Variants in IL3RA observed in about 807,000 individuals in gnomAD.
IL3RA encodes interleukin 3 receptor subunit alpha.
In IL3RA, 73 loss-of-function variants were observed where a neutral mutation model predicts 52.3. That is an observed-to-expected ratio of 1.40 (90% confidence interval 1.16 to 1.70). The LOEUF (loss-of-function observed/expected upper bound fraction) is 1.70, where lower values mean the gene tolerates loss of function less well. Among genes scored for constraint, IL3RA ranks in the 40% most tolerant of loss-of-function variants. IL3RA has a pLI of 0.00. For synonymous variants in IL3RA, 260 were observed against 194.0 expected, an observed-to-expected ratio of 1.34 and a Z score of -2.83; for missense variants, 664 against 504.4, an observed-to-expected ratio of 1.32 and a Z score of -3.03.
In IL3RA at chrX:1,352,008, AC is replaced by A. The variant is rs1171499945; in HGVS notation, c.299-89del. 4 of 1,490,960 alleles carry A rather than the reference AC, an allele frequency of 2.7e-6. No homozygotes were observed. The African/African-American group carries it at 4.2e-5, about 16-fold the overall frequency. The allele number at this position is 1,490,960 out of a possible 1,614,324, so 92.4% of individuals were successfully genotyped here. On this transcript the variant is annotated intron_variant, in intron 4 of 11. Coordinates refer to ENST00000331035, the MANE Select transcript of IL3RA (RefSeq NM_002183.4). ...TCGAACTCCTGACCTCATGTGATCC[AC>A]CCGCCTCGGCCTCCCAAAATGCTGG...
chrX:1,360,665 C>G (rs1231752519), intron 8 of IL3RA, among the ~76,000 whole-genome samples: 1 of 151,656 alleles, frequency 6.6e-6, no homozygotes, highest in Non-Finnish European at 1.5e-5. Context: ...ATTACAGGCA[C>G]TCGCCACCAT....
chrX:1,344,015 T>G (rs188725539), intron 2 of IL3RA, among the ~76,000 whole-genome samples: 1 of 151,954 alleles, frequency 6.6e-6, no homozygotes, highest in African/African-American at 2.4e-5. Context: ...AGGATGGTCT[T>G]GATCACTTGA....
At chrX:1,348,036 C>CA (rs372200553) in intron 3 of IL3RA, among the ~76,000 whole-genome samples, 51,308 of 100,178 alleles carry the variant, frequency 0.51, 11,909 homozygotes, top group Middle Eastern at 0.65. Context: ...GACTCCCTCT[C>CA]AAAAAAAAAA....
chrX:1,381,111 T>G lies in IL3RA; in HGVS notation c.1062+7T>G. 1 of 1,613,696 alleles carries G rather than the reference T, an allele frequency of 6.2e-7. No homozygotes were observed. The highest frequency in any genetic ancestry group is 8.5e-7 in the Non-Finnish European group (1 of 1,179,620). Reference sequence around the variant, plus strand: ...CTTCCAAAACGACAAGCTGGTATGTTGTTTTTTCTGCCTTGGGACGGGTCT... The same window carrying G: ...CTTCCAAAACGACAAGCTGGTATGTGGTTTTTTCTGCCTTGGGACGGGTCT... On this transcript the variant is annotated splice_region_variant and intron_variant, in intron 11 of 11. Coordinates refer to ENST00000331035, the MANE Select transcript of IL3RA (RefSeq NM_002183.4).
intron 4 of IL3RA, 125 bp downstream of exon 4, chrX:1,348,670 C>CT (rs1215917145): frequency 2.2e-5 from 10 of 460,284 alleles, no homozygotes; most frequent in African/African-American, 1.9e-4. Flanking sequence ...TTCTTTCTTT[C>CT]TTTCTTTCTT....
At chrX:1,356,378 C>G in intron 7 of IL3RA, 42 bp downstream of exon 7, 2 of 1,246,454 alleles carry the variant, frequency 1.6e-6, no homozygotes, top group Non-Finnish European at 1.1e-6. Context: ...CCCCCGTGGA[C>G]ATCCCTTATT....
chrX:1,350,076 A>G (rs1420307480), intron 4 of IL3RA, among the ~76,000 whole-genome samples: 1 of 152,162 alleles, frequency 6.6e-6, no homozygotes, highest in Non-Finnish European at 1.5e-5. Flanking sequence ...AAATGGCAAA[A>G]TTTTACAAAT....
chrX:1,356,358 AG>A, intron 7 of IL3RA, 22 bp downstream of exon 7: 6 of 1,012,468 alleles, frequency 5.9e-6, no homozygotes, highest in South Asian at 1.7e-5. Flanking sequence ...CCCCGCCCCC[AG>A]CCCCCCCACC....
In IL3RA at chrX:1,362,747, C is replaced by G. The variant is rs1191287818; in HGVS notation, c.760-2391C>G. Among the ~76,000 whole-genome samples the G allele has an allele frequency of 4.6e-5, 7 of 151,756 alleles. No individual in the cohort carries two copies. In the East Asian group the frequency reaches 9.7e-4, roughly 21 times the overall value. Reference sequence around the variant, plus strand: ...TCTGCCTCCGTCTCCACATGGCCTTCTCCTCTGCATCCGTGTCTCCTTTTT... The same window carrying G: ...TCTGCCTCCGTCTCCACATGGCCTTGTCCTCTGCATCCGTGTCTCCTTTTT... On this transcript the variant is annotated intron_variant, in intron 8 of 11. Coordinates refer to ENST00000331035, the MANE Select transcript of IL3RA (RefSeq NM_002183.4).
intron 4 of IL3RA, among the ~76,000 whole-genome samples, chrX:1,351,670 C>A (rs1248938929): frequency 7.0e-5 from 9 of 129,096 alleles, no homozygotes; most frequent in Admixed American, 5.7e-4. Flanking sequence ...ACTCTGTCGC[C>A]CAGGCTGGAG....
At chrX:1,347,776 C>CG (rs2085817110) in intron 3 of IL3RA, among the ~76,000 whole-genome samples, 1 of 151,928 alleles carries the variant, frequency 6.6e-6, no homozygotes, top group Non-Finnish European at 1.5e-5. Flanking sequence ...CGGTGGCTCA[C>CG]GCCTGTCATC....
chrX:1,360,093 CT>C (rs2087097348), intron 8 of IL3RA, among the ~76,000 whole-genome samples: 1 of 150,762 alleles, frequency 6.6e-6, no homozygotes, highest in African/African-American at 2.4e-5. Context: ...TTCTCTCTCT[CT>C]CCCGGTCTCT....
chrX:1,368,684 C>T (rs1380775018), intron 9 of IL3RA, among the ~76,000 whole-genome samples: 2 of 152,052 alleles, frequency 1.3e-5, no homozygotes, highest in East Asian at 3.9e-4. Flanking sequence ...GACACAGACA[C>T]ACACAGAGGG....
chrX:1,351,186 G>A (rs1401414888), intron 4 of IL3RA, among the ~76,000 whole-genome samples: 6 of 152,196 alleles, frequency 3.9e-5, no homozygotes, highest in East Asian at 1.9e-4. Flanking sequence ...CAGCCTAGGC[G>A]ACGGAGCGAG....
At chrX:1,360,581 C>T (rs143091778) in intron 8 of IL3RA, among the ~76,000 whole-genome samples, 97 of 152,110 alleles carry the variant, frequency 6.4e-4, no homozygotes, top group Non-Finnish European at 8.5e-4. Context: ...TGCGATGGCA[C>T]GATCTCGGCT....
In IL3RA at chrX:1,365,058, C is replaced by T; in HGVS notation, c.760-80C>T. The T allele has an allele frequency of 3.1e-6, 3 of 983,388 alleles. No individual in the cohort carries two copies. The East Asian group carries it at 7.6e-5, about 25-fold the overall frequency. 60.9% of individuals were successfully genotyped at this position (983,388 alleles called of 1,614,324 possible). On this transcript the variant is annotated intron_variant, in intron 8 of 11. Coordinates refer to ENST00000331035, the MANE Select transcript of IL3RA (RefSeq NM_002183.4). ...TCCTGACCTCAGGTGATCCACCTGCCTTGGCCTCCCTAAGTGCCCAGGTGA... is the reference window on the plus strand; with the variant it reads ...TCCTGACCTCAGGTGATCCACCTGCTTTGGCCTCCCTAAGTGCCCAGGTGA...
intron 2 of IL3RA, among the ~76,000 whole-genome samples, chrX:1,344,500 C>CT (rs2085639655): frequency 6.6e-6 from 1 of 151,850 alleles, no homozygotes; most frequent in East Asian, 1.9e-4. Flanking sequence ...ATCAACTGGG[C>CT]ATGGTGGCTC....
At chrX:1,368,151 C>T (rs2088313688) in intron 9 of IL3RA, among the ~76,000 whole-genome samples, 1 of 152,038 alleles carries the variant, frequency 6.6e-6, no homozygotes, top group Non-Finnish European at 1.5e-5. Flanking sequence ...CCCAGCTACT[C>T]GGGAGGCTGA....
rs373961307 is a variant in IL3RA at position 1,353,805 on chromosome X, A to ACC, written c.616+1306_616+1307dup. On this transcript the variant is annotated intron_variant, in intron 6 of 11. Transcript: ENST00000331035. ...CATGGGTTCCATCATGGGTCATGGG[A>ACC]CCCCCCCCATCACGGGTTCCATCAT... is the stretch of plus-strand genomic sequence containing the variant. Among the ~76,000 whole-genome samples the ACC allele has an allele frequency of 8.5e-3, 779 of 91,612 alleles. 86 individuals are homozygous for ACC. Among genetic ancestry groups the ACC allele is most frequent in the African/African-American group, 0.019 (427 of 22,704 alleles). 60.1% of individuals were successfully genotyped at this position (91,612 alleles called of 152,430 possible). A position where few individuals can be genotyped will look rare whatever the true frequency, so the allele number is the denominator to read the frequency against.
Sources: allele counts gnomAD v4.1 joint callset (sites outside exome capture counted in the v4.1 genomes callset), GRCh38; gene constraint gnomAD v4.1.1; transcripts MANE v1.5; gene names NCBI Gene and HGNC (gene_info 2026-07-23, HGNC 2026-07-21).